CDH13: variants seen among roughly 807,000 people sequenced by gnomAD.
The protein encoded by CDH13 is cadherin-13.
CDH13 carries 24 observed loss-of-function variants against 63.8 expected under a neutral mutation model. The ratio of observed to expected loss-of-function variants is 0.38; its 90% confidence interval spans 0.27 to 0.53. The LOEUF (loss-of-function observed/expected upper bound fraction) is 0.53. Among genes scored for constraint, CDH13 ranks in the 20% least tolerant of loss-of-function variants. The probability of loss-of-function intolerance (pLI) is 0.85; values close to 1 mark genes in which losing one functional copy is unlikely to be tolerated. For missense variants in CDH13, 1,049 were observed against 903.1 expected (o/e 1.16, Z -2.07); for synonymous variants, 503 against 355.3 (o/e 1.42, Z -4.67).
At chr16:83,188,545 G>C (rs1473958696) in intron 4 of CDH13, among the ~76,000 whole-genome samples, 1 of 152,096 alleles carries the variant, frequency 6.6e-6, no homozygotes, top group African/African-American at 2.4e-5. Flanking sequence ...AGACATTCAG[G>C]GATTTGCTTA....
intron 1 of CDH13, among the ~76,000 whole-genome samples, chr16:82,711,235 G>A (rs780518130): frequency 2.6e-5 from 4 of 152,102 alleles, no homozygotes; most frequent in Non-Finnish European, 5.9e-5. Flanking sequence ...CAGTGTTTAT[G>A]AAAGATTCTG....
chr16:82,666,933 G>A (rs1567606304), intron 1 of CDH13, among the ~76,000 whole-genome samples: 1 of 152,178 alleles, frequency 6.6e-6, no homozygotes, highest in African/African-American at 2.4e-5. Context: ...GTAAAATGCA[G>A]TGTGTAGTTT....
chr16:82,824,704 G>A (rs1181649879), intron 1 of CDH13: 1 of 152,106 alleles, frequency 6.6e-6, no homozygotes, highest in Non-Finnish European at 1.5e-5. Flanking sequence ...TCAACACGAT[G>A]TTGCAAAGAC....
At chr16:83,552,049 A>G (rs573979180) in intron 7 of CDH13, among the ~76,000 whole-genome samples, 3 of 152,368 alleles carry the variant, frequency 2.0e-5, no homozygotes, top group Admixed American at 6.5e-5. Context: ...AAACTGATTC[A>G]TTCCAGGGGA....
At chr16:82,940,930 G>A (rs1162096979) in intron 2 of CDH13, among the ~76,000 whole-genome samples, 2 of 152,182 alleles carry the variant, frequency 1.3e-5, no homozygotes, top group African/African-American at 4.8e-5. Flanking sequence ...TTTTGCAAAT[G>A]TGTTTGAATC....
intron 1 of CDH13, among the ~76,000 whole-genome samples, chr16:82,792,151 G>C (rs942549704): frequency 5.3e-5 from 8 of 152,036 alleles, no homozygotes; most frequent in African/African-American, 1.4e-4. Flanking sequence ...AGCCATCCCC[G>C]GTTCCTTGAC....
chr16:82,881,235 G>C (rs1244290979), intron 2 of CDH13, among the ~76,000 whole-genome samples: 1 of 152,160 alleles, frequency 6.6e-6, no homozygotes, highest in African/African-American at 2.4e-5. Context: ...ATCTTGCATA[G>C]GGGTTCAAGC....
rs71148809 is a variant in CDH13 at position 83,080,871 on chromosome 16, G to GTTTTTTTTTTTT, written c.367-44498_367-44487dup. Among the ~76,000 whole-genome samples the GTTTTTTTTTTTT allele has an allele frequency of 7.5e-3, 350 of 46,946 alleles. 79 individuals carry two copies. The highest frequency in any genetic ancestry group is 0.022 in the East Asian group (23 of 1,054). The allele number at this position is 46,946 out of a possible 152,430, so 30.8% of individuals were successfully genotyped here. ...AGATAGAGTTTTGTTTTGTTTTTGT[G>GTTTTTTTTTTTT]TTTTTTTTTTTTTTTTTTTTTTTTT... On this transcript the variant is annotated intron_variant, in intron 3 of 13. Coordinates refer to ENST00000567109, the MANE Select transcript of CDH13 (RefSeq NM_001257.5).
At chr16:82,642,721 A>T (rs1333841928) in intron 1 of CDH13, among the ~76,000 whole-genome samples, 1 of 152,218 alleles carries the variant, frequency 6.6e-6, no homozygotes, top group East Asian at 1.9e-4. Flanking sequence ...TAGAAGTGGC[A>T]GTAATAGTAG....
intron 7 of CDH13, among the ~76,000 whole-genome samples, chr16:83,551,521 A>G (rs2075497516): frequency 6.6e-6 from 1 of 152,136 alleles, no homozygotes; most frequent in South Asian, 2.1e-4. Context: ...CAGTGCTCAC[A>G]TTGGTGCTTC....
chr16:82,933,664 G>A (rs2042571924), intron 2 of CDH13, among the ~76,000 whole-genome samples: 1 of 152,094 alleles, frequency 6.6e-6, no homozygotes, highest in Admixed American at 6.5e-5. Context: ...CTATGAGCCT[G>A]TAAAATCAAA....
intron 2 of CDH13, among the ~76,000 whole-genome samples, chr16:82,972,681 A>C (rs1007617613): frequency 2.0e-5 from 3 of 152,170 alleles, no homozygotes; most frequent in Non-Finnish European, 2.9e-5. Context: ...AGCTGTTTTT[A>C]ATATTATGTG....
At chr16:82,782,815 C>T (rs529903913) in intron 1 of CDH13, among the ~76,000 whole-genome samples, 3 of 152,282 alleles carry the variant, frequency 2.0e-5, no homozygotes, top group Non-Finnish European at 4.4e-5. Flanking sequence ...CAGGAGCAGG[C>T]TGCCTTTCAG....
At position 82,858,791 on chromosome 16, in the gene CDH13, G is replaced by T. The variant is rs1191008777; in HGVS notation, c.157+318G>T. Reference sequence around the variant, plus strand: ...AAATGAAATTCATTTCCCCTGGGCAGATCCCCAAAATCAAAATCATTGCCT... The same window carrying T: ...AAATGAAATTCATTTCCCCTGGGCATATCCCCAAAATCAAAATCATTGCCT... On this transcript the variant is annotated intron_variant, in intron 2 of 13. Transcript: ENST00000567109. 29 of 401,094 alleles carry T rather than the reference G, an allele frequency of 7.2e-5. No homozygotes were observed. The East Asian group carries it at 1.0e-3, about 14-fold the overall frequency. The allele number at this position is 401,094 out of a possible 1,614,324, so 24.8% of individuals were successfully genotyped here.
intron 11 of CDH13, among the ~76,000 whole-genome samples, chr16:83,762,082 A>G (rs1274475224): frequency 6.6e-6 from 1 of 152,168 alleles, no homozygotes; most frequent in Non-Finnish European, 1.5e-5. Context: ...TAAAAATAAA[A>G]TAAGTAATTT....
chr16:83,379,103 G>A (rs2091510059), intron 6 of CDH13, among the ~76,000 whole-genome samples: 1 of 151,952 alleles, frequency 6.6e-6, no homozygotes, highest in Admixed American at 6.6e-5. Context: ...TACCCCATGG[G>A]AAGAATACAA....
intron 3 of CDH13, among the ~76,000 whole-genome samples, chr16:83,112,146 C>G (rs2035087013): frequency 6.6e-6 from 1 of 152,220 alleles, no homozygotes; most frequent in Non-Finnish European, 1.5e-5. Flanking sequence ...TTCTTGATTT[C>G]TATACCTTTG....
chr16:83,590,701 C>G (rs1455952544), intron 7 of CDH13, among the ~76,000 whole-genome samples: 1 of 152,136 alleles, frequency 6.6e-6, no homozygotes, highest in Admixed American at 6.6e-5. Flanking sequence ...AGTAAAACAT[C>G]TAAGGGTACA....
chr16:82,761,183 C>G (rs1327852536), intron 1 of CDH13, among the ~76,000 whole-genome samples: 2 of 151,600 alleles, frequency 1.3e-5, no homozygotes, highest in African/African-American at 4.8e-5. Flanking sequence ...GCTACCACAC[C>G]TGGCCAATTT....
Sources: allele counts gnomAD v4.1 joint callset (sites outside exome capture counted in the v4.1 genomes callset), GRCh38; gene constraint gnomAD v4.1.1; transcripts MANE v1.5; gene names NCBI Gene and HGNC (gene_info 2026-07-23, HGNC 2026-07-21).